Variants in SLC24A3 observed in about 807,000 individuals in gnomAD.
SLC24A3 encodes the protein sodium/potassium/calcium exchanger 3.
Under a neutral mutation model 75.8 loss-of-function variants are expected in SLC24A3, and 28 were observed. The observed-to-expected ratio is 0.37, with a 90% CI of 0.27 to 0.51. SLC24A3 has a LOEUF of 0.51. SLC24A3 is among the 20% of genes least tolerant of loss of function. The pLI is 0.94. For synonymous variants in SLC24A3, 372 were observed against 334.1 expected (o/e 1.11, Z -1.24); for missense variants, 663 against 847.8 (o/e 0.78, Z 2.71).
intron 2 of SLC24A3, among the ~76,000 whole-genome samples, chr20:19,496,958 C>A (rs1415805591): frequency 1.3e-5 from 2 of 152,196 alleles, no homozygotes; most frequent in Non-Finnish European, 1.5e-5. Context: ...GTAAGCTGAG[C>A]TCTTTTGCAA....
At chr20:19,547,139 T>A (rs1312106983) in intron 3 of SLC24A3, among the ~76,000 whole-genome samples, 4 of 152,220 alleles carry the variant, frequency 2.6e-5, no homozygotes, top group African/African-American at 9.6e-5. Context: ...TTGATTAGCA[T>A]CTTTCTTCCT....
intron 2 of SLC24A3, among the ~76,000 whole-genome samples, chr20:19,374,033 A>G (rs1986036614): frequency 6.6e-6 from 1 of 152,186 alleles, no homozygotes; most frequent in South Asian, 2.1e-4. Flanking sequence ...TCACAGCATC[A>G]TTTTGTAACG....
At chr20:19,272,475 A>G (rs1381409651) in intron 1 of SLC24A3, among the ~76,000 whole-genome samples, 1 of 152,228 alleles carries the variant, frequency 6.6e-6, no homozygotes, top group African/African-American at 2.4e-5. Flanking sequence ...GAAAATGCAG[A>G]TTCTGATGCA....
At chr20:19,432,572 CAAAA>C (rs1254790672) in intron 2 of SLC24A3, among the ~76,000 whole-genome samples, 1 of 151,884 alleles carries the variant, frequency 6.6e-6, no homozygotes, top group Non-Finnish European at 1.5e-5. Flanking sequence ...GTGGAAAAAA[CAAAA>C]AAAGCAACAA....
intron 2 of SLC24A3, among the ~76,000 whole-genome samples, chr20:19,286,789 A>G (rs950823901): frequency 2.6e-5 from 4 of 152,260 alleles, no homozygotes; most frequent in African/African-American, 9.6e-5. Flanking sequence ...TTTTAATAAT[A>G]TGTTTTATTT....
chr20:19,438,297 G>A (rs1240038089), intron 2 of SLC24A3, among the ~76,000 whole-genome samples: 1 of 152,166 alleles, frequency 6.6e-6, no homozygotes, highest in East Asian at 1.9e-4. Flanking sequence ...TTTGAAAAGG[G>A]CACCTTTCCT....
intron 2 of SLC24A3, among the ~76,000 whole-genome samples, chr20:19,289,951 T>G (rs534414408): frequency 6.6e-6 from 1 of 152,310 alleles, no homozygotes; most frequent in African/African-American, 2.4e-5. Context: ...CCCAAAGCCT[T>G]GTTTGTGTGT....
intron 2 of SLC24A3, among the ~76,000 whole-genome samples, chr20:19,286,896 C>T (rs1983831312): frequency 6.6e-6 from 1 of 152,202 alleles, no homozygotes; most frequent in South Asian, 2.1e-4. Flanking sequence ...AATTTAAAGA[C>T]TTAAGATTCA....
At chr20:19,516,497 C>T (rs1449392738) in intron 3 of SLC24A3, among the ~76,000 whole-genome samples, 3 of 152,220 alleles carry the variant, frequency 2.0e-5, no homozygotes, top group African/African-American at 7.2e-5. Context: ...TCAGAAGGAG[C>T]ACAGTGGGAA....
chr20:19,309,559 A>G (rs1221634290), intron 2 of SLC24A3, among the ~76,000 whole-genome samples: 2 of 142,354 alleles, frequency 1.4e-5, no homozygotes, highest in African/African-American at 3.0e-5. Context: ...GGTGGTACCT[A>G]TGCACACTGA....
In SLC24A3 at chr20:19,393,316, C is replaced by T. The variant is rs116854038; in HGVS notation, c.271+112229C>T. Among the ~76,000 whole-genome samples, 682 of 152,208 alleles carry T rather than the reference C, an allele frequency of 4.5e-3. 2 individuals carry two copies. Among genetic ancestry groups the T allele is most frequent in the Non-Finnish European group, 7.5e-3 (512 of 68,000 alleles). ...AGAAACAAAGCACACTCACACCAAC[C>T]ACTAGAAATGAGGATGCCTGCTTTT... On this transcript the variant is annotated intron_variant, in intron 2 of 16. Transcript: ENST00000328041.
intron 2 of SLC24A3, among the ~76,000 whole-genome samples, chr20:19,480,174 T>G (rs1199371778): frequency 3.3e-5 from 5 of 152,112 alleles, no homozygotes; most frequent in African/African-American, 1.2e-4. Flanking sequence ...CAGTATGGTG[T>G]GATGAGGTGT....
intron 2 of SLC24A3, among the ~76,000 whole-genome samples, chr20:19,306,037 C>T (rs1213205699): frequency 2.0e-5 from 3 of 152,002 alleles, no homozygotes. Flanking sequence ...AAGCACAAAA[C>T]AAATAACCCA....
At chr20:19,322,583 G>T (rs1159526763) in intron 2 of SLC24A3, among the ~76,000 whole-genome samples, 1 of 152,090 alleles carries the variant, frequency 6.6e-6, no homozygotes, top group African/African-American at 2.4e-5. Context: ...ACTTTCAAAG[G>T]CTTGGGATTT....
Position 19,508,272 on chromosome 20 carries a change from C to G in SLC24A3, c.272-7216C>G, listed in dbSNP as rs572532735. On this transcript the variant is annotated intron_variant, in intron 2 of 16. Coordinates refer to ENST00000328041, the MANE Select transcript of SLC24A3 (RefSeq NM_020689.4). Reference sequence around the variant, plus strand: ...GGGTAGCATCCAGACTGCCATCCTTCGGTGCAATTCCTGAGAGACCAATCC... The same window carrying G: ...GGGTAGCATCCAGACTGCCATCCTTGGGTGCAATTCCTGAGAGACCAATCC... 1.2e-4 allele frequency among the ~76,000 whole-genome samples: 18 copies of G among 152,278 alleles called. No individual in the cohort carries two copies. The East Asian group carries it at 3.3e-3, about 28-fold the overall frequency.
chr20:19,372,844 CCTT>C (rs1986015380), intron 2 of SLC24A3, among the ~76,000 whole-genome samples: 4 of 152,128 alleles, frequency 2.6e-5, no homozygotes, highest in Admixed American at 2.0e-4. Flanking sequence ...CACATTTCAT[CCTT>C]CTCTGTGGCG....
intron 3 of SLC24A3, among the ~76,000 whole-genome samples, chr20:19,557,612 T>C (rs942324538): frequency 3.9e-5 from 6 of 152,178 alleles, no homozygotes; most frequent in African/African-American, 1.4e-4. Flanking sequence ...AGACTTCTTT[T>C]CTCTATTACT....
chr20:19,336,693 A>AC (rs1985143821), intron 2 of SLC24A3, among the ~76,000 whole-genome samples: 1 of 13,208 alleles, frequency 7.6e-5, no homozygotes, highest in Non-Finnish European at 1.7e-4. Context: ...GCCACCCCCC[A>AC]CCCCCCACCC....
intron 2 of SLC24A3, among the ~76,000 whole-genome samples, chr20:19,447,463 C>A (rs540097468): frequency 1.3e-5 from 2 of 152,134 alleles, no homozygotes; most frequent in South Asian, 4.2e-4. Flanking sequence ...CCAAGCAGTA[C>A]GACTAGGGCC....
Sources: allele counts gnomAD v4.1 joint callset (sites outside exome capture counted in the v4.1 genomes callset), GRCh38; gene constraint gnomAD v4.1.1; transcripts MANE v1.5; gene names NCBI Gene and HGNC (gene_info 2026-07-23, HGNC 2026-07-21).